AGBL4: variants seen among roughly 807,000 people sequenced by gnomAD.
The protein encoded by AGBL4 is cytosolic carboxypeptidase 6.
A neutral mutation model predicts 66.4 loss-of-function variants in AGBL4; 58 were observed. The observed-to-expected ratio is 0.87, with a 90% CI of 0.71 to 1.09. The LOEUF (loss-of-function observed/expected upper bound fraction) is 1.09, where lower values mean the gene tolerates loss of function less well. Ranked by LOEUF, AGBL4 falls within the 50% of genes least tolerant of loss-of-function variation. The pLI, the probability that AGBL4 is intolerant of heterozygous loss-of-function variation, is 0.00. For synonymous variants in AGBL4, 234 were observed against 222.9 expected (o/e 1.05, Z -0.44); for missense variants, 579 against 631.0 (o/e 0.92, Z 0.88).
At chr1:49,124,088 G>A (rs1267818849) in intron 4 of AGBL4, among the ~76,000 whole-genome samples, 1 of 152,188 alleles carries the variant, frequency 6.6e-6, no homozygotes, top group South Asian at 2.1e-4. Flanking sequence ...AGGCCTTGGA[G>A]GTGGTAAGAA....
chr1:49,600,088 T>C (rs1644925865), intron 3 of AGBL4, among the ~76,000 whole-genome samples: 1 of 152,236 alleles, frequency 6.6e-6, no homozygotes, highest in Non-Finnish European at 1.5e-5. Flanking sequence ...TATATTCTGT[T>C]AATTTGGGAT....
chr1:49,460,395 T>G (rs538966145), intron 3 of AGBL4, among the ~76,000 whole-genome samples: 1 of 151,700 alleles, frequency 6.6e-6, no homozygotes, highest in African/African-American at 2.4e-5. Flanking sequence ...TTGTCTGATA[T>G]AAGAATAGCT....
intron 4 of AGBL4, among the ~76,000 whole-genome samples, chr1:49,196,326 C>G (rs936440393): frequency 1.4e-4 from 21 of 151,962 alleles, no homozygotes; most frequent in African/African-American, 5.1e-4. Flanking sequence ...TTTTGTAATT[C>G]CTTAATGAAT....
intron 4 of AGBL4, among the ~76,000 whole-genome samples, chr1:49,071,024 G>A (rs1048670409): frequency 1.3e-5 from 2 of 151,934 alleles, no homozygotes; most frequent in African/African-American, 2.4e-5. Context: ...TTCTAGAAGA[G>A]AGGCATAGAG....
intron 4 of AGBL4, among the ~76,000 whole-genome samples, chr1:49,128,925 AT>A (rs1204309072): frequency 1.3e-5 from 2 of 152,038 alleles, no homozygotes; most frequent in African/African-American, 2.4e-5. Context: ...AAAATGCAAA[AT>A]AAAGCCACAT....
chr1:49,595,640 G>T (rs1311568265), intron 3 of AGBL4, among the ~76,000 whole-genome samples: 1 of 151,658 alleles, frequency 6.6e-6, no homozygotes, highest in East Asian at 1.9e-4. Context: ...GTTTCTTTTG[G>T]ATGTGATTGA....
At chr1:48,904,517 A>T (rs1275064123) in intron 5 of AGBL4, among the ~76,000 whole-genome samples, 1 of 152,204 alleles carries the variant, frequency 6.6e-6, no homozygotes, top group East Asian at 1.9e-4. Flanking sequence ...AAGGCAGTTT[A>T]GAGTAAAGGT....
intron 3 of AGBL4, among the ~76,000 whole-genome samples, chr1:49,642,630 C>T (rs145474713): frequency 7.2e-5 from 11 of 152,062 alleles, no homozygotes; most frequent in Middle Eastern, 3.4e-3. Context: ...AACAAACCTT[C>T]GTGCTCACAC....
intron 1 of AGBL4, among the ~76,000 whole-genome samples, chr1:49,867,744 AC>A (rs878988821): frequency 1.3e-5 from 2 of 152,144 alleles, no homozygotes; most frequent in African/African-American, 4.8e-5. Flanking sequence ...GAAAGAAAAT[AC>A]CATTACCAGC....
intron 1 of AGBL4, among the ~76,000 whole-genome samples, chr1:49,860,897 C>A (rs971031634): frequency 6.6e-6 from 1 of 152,116 alleles, no homozygotes; most frequent in African/African-American, 2.4e-5. Context: ...CTGAAAGAGG[C>A]ACTGAAGAGA....
chr1:48,800,617 G>T (rs537357920), intron 6 of AGBL4, among the ~76,000 whole-genome samples: 220 of 152,248 alleles, frequency 1.4e-3, no homozygotes, highest in Middle Eastern at 0.014. Flanking sequence ...ACTTTTTGAT[G>T]TGGGCATTTA....
intron 6 of AGBL4, among the ~76,000 whole-genome samples, chr1:48,816,540 T>G (rs1156492983): frequency 6.6e-6 from 1 of 152,138 alleles, no homozygotes; most frequent in African/African-American, 2.4e-5. Context: ...GGCAAGAAAC[T>G]TATCATGTTT....
At chr1:48,682,965 A>T (rs1326894279) in intron 6 of AGBL4, among the ~76,000 whole-genome samples, 1 of 152,212 alleles carries the variant, frequency 6.6e-6, no homozygotes, top group East Asian at 1.9e-4. Context: ...AAACCATGGC[A>T]TCCAGGAAAA....
chr1:49,352,064 A>T (rs929121489), intron 3 of AGBL4, among the ~76,000 whole-genome samples: 1 of 152,184 alleles, frequency 6.6e-6, no homozygotes, highest in African/African-American at 2.4e-5. Context: ...CATCAAATGT[A>T]GTTCCCCTAA....
rs1166636337 is a variant in AGBL4 at position 49,965,939 on chromosome 1, A to ATT, written c.34+57822_34+57823dup. Among the ~76,000 whole-genome samples, 92 of 136,522 alleles carry ATT rather than the reference A, an allele frequency of 6.7e-4. 1 individual carries two copies. Among genetic ancestry groups the ATT allele is most frequent in the South Asian group, 3.5e-3 (15 of 4,260 alleles). 89.6% of individuals were successfully genotyped at this position (136,522 alleles called of 152,430 possible). On this transcript the variant is annotated intron_variant, in intron 1 of 13. Coordinates refer to ENST00000371839, the MANE Select transcript of AGBL4 (RefSeq NM_032785.4). Reference sequence around the variant, plus strand: ...AGAGCCCCATTAGTCTATTACAATGATTTTTTTTTTTTTTTTTTTTGAGAC... The same window carrying ATT: ...AGAGCCCCATTAGTCTATTACAATGATTTTTTTTTTTTTTTTTTTTTTGAGAC...
intron 2 of AGBL4, among the ~76,000 whole-genome samples, chr1:49,842,991 G>A (rs1009598804): frequency 6.6e-6 from 1 of 152,058 alleles, no homozygotes; most frequent in Non-Finnish European, 1.5e-5. Context: ...CCTGACATGT[G>A]CCTGTAGGGT....
At chr1:49,368,938 G>A (rs1409164969) in intron 3 of AGBL4, among the ~76,000 whole-genome samples, 1 of 151,966 alleles carries the variant, frequency 6.6e-6, no homozygotes, top group African/African-American at 2.4e-5. Context: ...ATCCAGGCAT[G>A]GTGGCACACG....
chr1:49,573,156 G>C (rs915377582), intron 3 of AGBL4, among the ~76,000 whole-genome samples: 1 of 147,928 alleles, frequency 6.8e-6, no homozygotes, highest in East Asian at 2.0e-4. Context: ...CTGTGTGTGT[G>C]TGTGTGTGTG....
At chr1:49,643,063 C>A (rs1450718794) in intron 3 of AGBL4, among the ~76,000 whole-genome samples, 1 of 151,588 alleles carries the variant, frequency 6.6e-6, no homozygotes, top group Non-Finnish European at 1.5e-5. Flanking sequence ...TCCTCATATG[C>A]GCAAGAAGCT....
Sources: gnomAD v4.1 joint callset for allele counts (sites outside exome capture counted in the v4.1 genomes callset) on GRCh38, gnomAD v4.1.1 for gene constraint, MANE v1.5 for transcripts, NCBI Gene and HGNC (gene_info 2026-07-23, HGNC 2026-07-21) for gene names.